Variants in PCDHA7 observed in about 807,000 individuals in gnomAD.
PCDHA7 encodes protocadherin alpha-7.
PCDHA7 carries 37 observed loss-of-function variants against 57.2 expected under a neutral mutation model. The ratio of observed to expected loss-of-function variants is 0.65; its 90% CI spans 0.50 to 0.85. PCDHA7 has a LOEUF of 0.85. PCDHA7 is among the 40% of genes least tolerant of loss of function. The pLI is 0.00. For synonymous variants in PCDHA7, 553 were observed against 558.8 expected (o/e 0.99, Z 0.15); for missense variants, 1,188 against 1,241.8 (o/e 0.96, Z 0.65).
chr5:140,839,000 A>G (rs190109951), intron 1 of PCDHA7, among the ~76,000 whole-genome samples: 4 of 152,212 alleles, frequency 2.6e-5, no homozygotes, highest in Admixed American at 2.6e-4. Flanking sequence ...ATTCTAATAT[A>G]CTTTAGTAAA....
chr5:140,933,715 G>C (rs1292658358), intron 1 of PCDHA7, among the ~76,000 whole-genome samples: 1 of 151,902 alleles, frequency 6.6e-6, no homozygotes, highest in Non-Finnish European at 1.5e-5. Flanking sequence ...ACTGAGATTG[G>C]TGATACAGCT....
At chr5:140,945,762 G>A (rs570176768) in intron 1 of PCDHA7, among the ~76,000 whole-genome samples, 122 of 152,196 alleles carry the variant, frequency 8.0e-4, no homozygotes, top group South Asian at 2.3e-3. Context: ...ATGGTGGTGG[G>A]ACAATTTGAT....
Position 140,837,010 on chromosome 5 carries a change from C to T in PCDHA7, c.2355+272C>T, listed in dbSNP as rs1188218220. On this transcript the variant is annotated intron_variant, in intron 1 of 3. Coordinates refer to ENST00000525929, the MANE Select transcript of PCDHA7 (RefSeq NM_018910.3). Reference sequence around the variant, plus strand: ...ACTTTGCTAACTGGAGCAATGGATTCACCTTTCTTCTATAGTGTATTTACA... The same window carrying T: ...ACTTTGCTAACTGGAGCAATGGATTTACCTTTCTTCTATAGTGTATTTACA... 4 of 308,042 alleles carry T rather than the reference C, an allele frequency of 1.3e-5. 1 individual carries two copies. Among genetic ancestry groups the T allele is most frequent in the African/African-American group, 8.8e-5 (4 of 45,630 alleles). 19.1% of individuals were successfully genotyped at this position (308,042 alleles called of 1,614,324 possible).
intron 1 of PCDHA7, among the ~76,000 whole-genome samples, chr5:140,954,634 T>C (rs1366737169): frequency 6.6e-6 from 1 of 152,210 alleles, no homozygotes; most frequent in Admixed American, 6.5e-5. Flanking sequence ...GTTTTTCTTG[T>C]AAATTTGTTT....
At chr5:140,942,422 G>C (rs1445298712) in intron 1 of PCDHA7, among the ~76,000 whole-genome samples, 3 of 150,866 alleles carry the variant, frequency 2.0e-5, no homozygotes, top group Non-Finnish European at 4.4e-5. Context: ...AAAAAAAAAA[G>C]ATATCTAACA....
chr5:141,000,417 ATATATTTTTTT>A (rs2097924314), intron 3 of PCDHA7, among the ~76,000 whole-genome samples: 12 of 77,748 alleles, frequency 1.5e-4, no homozygotes, highest in Non-Finnish European at 2.3e-4. Flanking sequence ...ATATATATAT[ATATATTTTTTT>A]TTTTTTTTTT....
chr5:140,922,784 C>G (rs1399042980), intron 1 of PCDHA7, among the ~76,000 whole-genome samples: 1 of 152,140 alleles, frequency 6.6e-6, no homozygotes, highest in Non-Finnish European at 1.5e-5. Context: ...GGAGAGAAAA[C>G]TGTAGCTTTG....
chr5:140,919,231 C>T (rs984376374), intron 1 of PCDHA7, among the ~76,000 whole-genome samples: 1 of 152,160 alleles, frequency 6.6e-6, no homozygotes, highest in Admixed American at 6.6e-5. Context: ...TCTAGTAACA[C>T]TTTTTGTCTT....
intron 1 of PCDHA7, among the ~76,000 whole-genome samples, chr5:140,976,450 C>T (rs2096717096): frequency 6.6e-6 from 1 of 152,040 alleles, no homozygotes; most frequent in South Asian, 2.1e-4. Flanking sequence ...ACTAGGGAGG[C>T]TGGGGAAGAA....
At chr5:140,946,219 G>A (rs2093905754) in intron 1 of PCDHA7, among the ~76,000 whole-genome samples, 1 of 151,856 alleles carries the variant, frequency 6.6e-6, no homozygotes, top group Non-Finnish European at 1.5e-5. Context: ...TGACCAACAG[G>A]TATACTAAAA....
chr5:140,843,218 A>C, intron 1 of PCDHA7: 1 of 1,596,010 alleles, frequency 6.3e-7, no homozygotes, highest in Non-Finnish European at 8.6e-7. Context: ...CGAGATCAGC[A>C]CCACTCGTGT....
In PCDHA7 at chr5:140,882,044, C is replaced by T. The variant is rs539916085; in HGVS notation, c.2355+45306C>T. The T allele has an allele frequency of 5.7e-6, 4 of 702,876 alleles. No individual in the cohort carries two copies. In the East Asian group the frequency reaches 1.1e-4, roughly 20 times the overall value. The allele number at this position is 702,876 out of a possible 1,614,324, so 43.5% of individuals were successfully genotyped here. Reference sequence around the variant, plus strand: ...TCAATGGAAAATATGAAGACTGAGTCATACTTACACTTACACGTTCATGCG... The same window carrying T: ...TCAATGGAAAATATGAAGACTGAGTTATACTTACACTTACACGTTCATGCG... On this transcript the variant is annotated intron_variant, in intron 1 of 3. Transcript: ENST00000525929.
chr5:140,950,944 T>C (rs2094535037), intron 1 of PCDHA7, among the ~76,000 whole-genome samples: 1 of 152,090 alleles, frequency 6.6e-6, no homozygotes, highest in Admixed American at 6.5e-5. Flanking sequence ...TCAGATTGGA[T>C]CATTTCTATT....
chr5:140,915,681 G>C (rs1261107431), intron 1 of PCDHA7, among the ~76,000 whole-genome samples: 1 of 151,116 alleles, frequency 6.6e-6, no homozygotes, highest in Non-Finnish European at 1.5e-5. Context: ...TCTTGAACTA[G>C]GGGTATGGTG....
intron 1 of PCDHA7, among the ~76,000 whole-genome samples, chr5:140,977,004 A>C (rs1554238156): frequency 6.6e-6 from 1 of 152,222 alleles, no homozygotes; most frequent in East Asian, 1.9e-4. Flanking sequence ...GAAATCTTGT[A>C]ACTGTGATTC....
At chr5:140,978,795 G>T in intron 1 of PCDHA7, 154 bp from the exon 2 acceptor site, 1 of 979,238 alleles carries the variant, frequency 1.0e-6, no homozygotes, top group Non-Finnish European at 1.2e-6. Flanking sequence ...TGCTATATAT[G>T]TAGATATCAT....
At chr5:140,981,111 T>C (rs1275828842) in intron 2 of PCDHA7, among the ~76,000 whole-genome samples, 3 of 152,232 alleles carry the variant, frequency 2.0e-5, no homozygotes, top group African/African-American at 2.4e-5. Context: ...GAATTTCTAC[T>C]GGATATGTTG....
At chr5:140,872,792 G>A (rs1474880199) in intron 1 of PCDHA7, among the ~76,000 whole-genome samples, 1 of 152,054 alleles carries the variant, frequency 6.6e-6, no homozygotes, top group Non-Finnish European at 1.5e-5. Context: ...ATGCTAGTTG[G>A]CATTCTTCCA....
chr5:140,932,607 T>C (rs555006363), intron 1 of PCDHA7, among the ~76,000 whole-genome samples: 8 of 152,052 alleles, frequency 5.3e-5, no homozygotes, highest in Non-Finnish European at 7.4e-5. Flanking sequence ...CTATTTTGAC[T>C]TTGAAGCTGA....
Sources: gnomAD v4.1 joint callset for allele counts (sites outside exome capture counted in the v4.1 genomes callset) on GRCh38, gnomAD v4.1.1 for gene constraint, MANE v1.5 for transcripts, NCBI Gene and HGNC (gene_info 2026-07-23, HGNC 2026-07-21) for gene names.